DOK6: variants seen among roughly 807,000 people sequenced by gnomAD.
DOK6 encodes downstream of tyrosine kinase 6.
Under a neutral mutation model 44.0 loss-of-function variants are expected in DOK6, and 22 were observed. The ratio of observed to expected loss-of-function variants is 0.50; its 90% CI spans 0.36 to 0.71. DOK6 has a LOEUF of 0.71. Ranked by LOEUF, DOK6 falls within the 30% of genes least tolerant of loss-of-function variation. DOK6 has a pLI of 0.00. For missense variants in DOK6, 340 were observed against 416.4 expected (o/e 0.82, Z 1.60); for synonymous variants, 166 against 145.5 (o/e 1.14, Z -1.01).
intron 1 of DOK6, among the ~76,000 whole-genome samples, chr18:69,526,004 A>G (rs1981821004): frequency 6.6e-6 from 1 of 152,118 alleles, no homozygotes; most frequent in African/African-American, 2.4e-5. Flanking sequence ...CAGTATGTAT[A>G]TAAATATATT....
At chr18:69,715,153 G>A (rs1465027146) in intron 5 of DOK6, among the ~76,000 whole-genome samples, 4 of 152,140 alleles carry the variant, frequency 2.6e-5, no homozygotes, top group African/African-American at 9.7e-5. Context: ...TCTAGATTCT[G>A]CAAGATACTT....
chr18:69,501,076 G>A (rs1460603489), intron 1 of DOK6, among the ~76,000 whole-genome samples: 1 of 151,820 alleles, frequency 6.6e-6, no homozygotes, highest in Non-Finnish European at 1.5e-5. Context: ...CACAAAAGAT[G>A]GAAAAATAAG....
Position 69,763,289 on chromosome 18 carries a change from T to G in DOK6, c.856+5416T>G, listed in dbSNP as rs73970259. ...AAGTGGCAAACAGACATTACTTTTCTTTTTTGCCAGAGTATCATAAGGATA... is the reference window on the plus strand; with the variant it reads ...AAGTGGCAAACAGACATTACTTTTCGTTTTTGCCAGAGTATCATAAGGATA... On this transcript the variant is annotated intron_variant, in intron 7 of 7. Coordinates refer to ENST00000382713, the MANE Select transcript of DOK6 (RefSeq NM_152721.6). Among the ~76,000 whole-genome samples, 524 of 152,308 alleles carry G rather than the reference T, an allele frequency of 3.4e-3. 2 individuals are homozygous for G. Among genetic ancestry groups the G allele is most frequent in the African/African-American group, 0.012 (492 of 41,584 alleles).
intron 1 of DOK6, among the ~76,000 whole-genome samples, chr18:69,533,054 G>T (rs1391553091): frequency 1.3e-5 from 2 of 151,890 alleles, no homozygotes; most frequent in African/African-American, 4.8e-5. Flanking sequence ...TACTCTAAAA[G>T]AAATAAGAAG....
intron 1 of DOK6, among the ~76,000 whole-genome samples, chr18:69,420,728 C>A (rs1978467623): frequency 1.3e-5 from 2 of 152,116 alleles, no homozygotes; most frequent in African/African-American, 4.8e-5. Flanking sequence ...CTTCTCAGAA[C>A]ACCTGTTTCA....
At chr18:69,619,851 A>G (rs1227681031) in intron 3 of DOK6, among the ~76,000 whole-genome samples, 1 of 152,228 alleles carries the variant, frequency 6.6e-6, no homozygotes, top group East Asian at 1.9e-4. Flanking sequence ...ATGTATACAT[A>G]TACACACAAG....
rs924076522 is a variant in DOK6, at chr18:69,560,586, TTAAAAC to T, written c.67-3898_67-3893del. 1.5e-3 allele frequency among the ~76,000 whole-genome samples: 232 copies of T among 152,238 alleles called. 2 individuals are homozygous for T. The highest frequency in any genetic ancestry group is 5.3e-3 in the African/African-American group (219 of 41,540). ...TAATTATGAAAATCATTTGAAAACT[TTAAAAC>T]TATACTGATGCAAGCAATAATTTGT... On this transcript the variant is annotated intron_variant, in intron 1 of 7. Transcript: ENST00000382713.
chr18:69,644,849 C>G (rs1985031519), intron 3 of DOK6, among the ~76,000 whole-genome samples: 1 of 152,192 alleles, frequency 6.6e-6, no homozygotes, highest in Admixed American at 6.5e-5. Flanking sequence ...GACTTGTTAT[C>G]TTCTAAGTAA....
chr18:69,500,097 C>A (rs191610203), intron 1 of DOK6, among the ~76,000 whole-genome samples: 2 of 152,156 alleles, frequency 1.3e-5, no homozygotes, highest in Non-Finnish European at 2.9e-5. Flanking sequence ...ACAGCCAGAA[C>A]GATGCTTGAT....
chr18:69,680,037 C>T lies in DOK6; in HGVS notation c.409+2184C>T, dbSNP rs77070346. On this transcript the variant is annotated intron_variant, in intron 4 of 7. Coordinates refer to ENST00000382713, the MANE Select transcript of DOK6 (RefSeq NM_152721.6). ...CTTTACAGTGGACCTAAAATTATAT[C>T]ACCAGTGCTATAAATGCTTTTCTTA... is the stretch of plus-strand genomic sequence containing the variant. Among the ~76,000 whole-genome samples the T allele has an allele frequency of 9.9e-3, 1,501 of 152,224 alleles. 22 individuals carry two copies. Among genetic ancestry groups the T allele is most frequent in the African/African-American group, 0.034 (1,395 of 41,536 alleles).
intron 1 of DOK6, among the ~76,000 whole-genome samples, chr18:69,554,642 G>C (rs1427119957): frequency 6.6e-6 from 1 of 152,104 alleles, no homozygotes; most frequent in East Asian, 1.9e-4. Context: ...TTTCTGTTGA[G>C]TACATAACCA....
At chr18:69,505,906 TA>T in intron 1 of DOK6, among the ~76,000 whole-genome samples, 1 of 137,170 alleles carries the variant, frequency 7.3e-6, no homozygotes, top group East Asian at 2.8e-4. Context: ...CACAAAATGT[TA>T]AAACTTCCTC....
At chr18:69,508,922 G>C (rs1236088756) in intron 1 of DOK6, among the ~76,000 whole-genome samples, 5 of 152,190 alleles carry the variant, frequency 3.3e-5, no homozygotes, top group African/African-American at 1.2e-4. Flanking sequence ...CACTTTTGCT[G>C]TGATTAGTCA....
intron 7 of DOK6, among the ~76,000 whole-genome samples, chr18:69,791,724 G>T (rs867793897): frequency 6.6e-6 from 1 of 151,834 alleles, no homozygotes; most frequent in Non-Finnish European, 1.5e-5. Flanking sequence ...TTTGTTGATT[G>T]TTTCCTTTGC....
intron 5 of DOK6, among the ~76,000 whole-genome samples, chr18:69,706,904 T>C (rs1986648951): frequency 6.6e-6 from 1 of 151,978 alleles, no homozygotes. Flanking sequence ...ATGGTGTATA[T>C]GTGCCACATT....
At chr18:69,419,159 C>G (rs901903239) in intron 1 of DOK6, among the ~76,000 whole-genome samples, 1 of 152,122 alleles carries the variant, frequency 6.6e-6, no homozygotes, top group Non-Finnish European at 1.5e-5. Flanking sequence ...GCCATCTTGA[C>G]TAAATTTTAG....
At chr18:69,552,570 C>T (rs1982591777) in intron 1 of DOK6, among the ~76,000 whole-genome samples, 2 of 152,142 alleles carry the variant, frequency 1.3e-5, no homozygotes, top group South Asian at 4.1e-4. Flanking sequence ...AGAACATTTG[C>T]TATGTGAATA....
intron 1 of DOK6, among the ~76,000 whole-genome samples, chr18:69,463,734 T>C (rs561479783): frequency 6.6e-6 from 1 of 152,096 alleles, no homozygotes; most frequent in African/African-American, 2.4e-5. Context: ...TATATGCATA[T>C]GTATGTAAAT....
chr18:69,715,047 G>A (rs1386719550), intron 5 of DOK6, among the ~76,000 whole-genome samples: 1 of 152,104 alleles, frequency 6.6e-6, no homozygotes, highest in Non-Finnish European at 1.5e-5. Context: ...CTTTATATAT[G>A]ACTAAATGTG....
Sources: allele counts gnomAD v4.1 joint callset (sites outside exome capture counted in the v4.1 genomes callset), GRCh38; gene constraint gnomAD v4.1.1; transcripts MANE v1.5; gene names NCBI Gene and HGNC (gene_info 2026-07-23, HGNC 2026-07-21).